Variants in SLC9B1 observed in about 807,000 individuals in gnomAD.
The protein encoded by SLC9B1 is sodium/hydrogen exchanger 9B1.
In SLC9B1, 32 loss-of-function variants were observed where a neutral mutation model predicts 51.7. The observed-to-expected ratio is 0.62, with a 90% CI of 0.47 to 0.83. The LOEUF is 0.83. Ranked by LOEUF, SLC9B1 falls within the 40% of genes least tolerant of loss-of-function variation. The pLI is 0.00. For synonymous variants in SLC9B1, 145 were observed against 212.7 expected (o/e 0.68, Z 2.77); for missense variants, 406 against 613.2 (o/e 0.66, Z 3.57).
At chr4:102,974,349 A>G (rs973259885) in intron 3 of SLC9B1, among the ~76,000 whole-genome samples, 17 of 151,706 alleles carry the variant, frequency 1.1e-4, no homozygotes, top group African/African-American at 4.1e-4. Flanking sequence ...AAACAAAAAA[A>G]CAATAGGCAA....
At chr4:102,955,380 T>C (rs1020629079) in intron 3 of SLC9B1, among the ~76,000 whole-genome samples, 3 of 152,198 alleles carry the variant, frequency 2.0e-5, no homozygotes, top group Non-Finnish European at 4.4e-5. Flanking sequence ...GTCTTGGGTA[T>C]GTCTTTATCA....
intron 1 of SLC9B1, among the ~76,000 whole-genome samples, chr4:102,991,926 A>G (rs7685399): frequency 0.54 from 82,620 of 151,894 alleles, 23,006 homozygotes; most frequent in African/African-American, 0.67. Context: ...AAAAACCATT[A>G]TCATACAGAA....
chr4:102,909,819 T>C (rs1476968520), intron 9 of SLC9B1, among the ~76,000 whole-genome samples: 1 of 152,178 alleles, frequency 6.6e-6, no homozygotes, highest in East Asian at 1.9e-4. Flanking sequence ...TATTTGTTTG[T>C]TTATTATTTA....
chr4:102,971,942 G>T (rs1284666854), intron 3 of SLC9B1, among the ~76,000 whole-genome samples: 3 of 152,086 alleles, frequency 2.0e-5, no homozygotes, highest in Non-Finnish European at 4.4e-5. Flanking sequence ...AAACCAGGAA[G>T]AAGTTGAATC....
At chr4:103,016,144 A>AAAAAAAAAAAAAAC (rs1741316278) in intron 1 of SLC9B1, among the ~76,000 whole-genome samples, 1 of 150,004 alleles carries the variant, frequency 6.7e-6, no homozygotes, top group African/African-American at 2.5e-5. Context: ...CAAAAAAAAA[A>AAAAAAAAAAAAAAC]AAAAAAAAAG....
At chr4:102,932,519 G>C (rs1416536637) in intron 6 of SLC9B1, among the ~76,000 whole-genome samples, 2 of 152,166 alleles carry the variant, frequency 1.3e-5, no homozygotes, top group African/African-American at 4.8e-5. Flanking sequence ...AACACAGGTT[G>C]CAGCCTCTCC....
At chr4:102,905,871 T>C (rs1355589813) in intron 10 of SLC9B1, among the ~76,000 whole-genome samples, 2 of 152,102 alleles carry the variant, frequency 1.3e-5, no homozygotes, top group African/African-American at 2.4e-5. Context: ...CCATGAAAAA[T>C]AAGACAGATG....
At chr4:102,898,219 C>T (rs1734626229), downstream of SLC9B1, 21 of 518,068 alleles carry the variant, frequency 4.1e-5, no homozygotes, top group South Asian at 2.8e-4. Context: ...GTTAATGGTG[C>T]CACTGGTGTT....
At chr4:102,908,786 G>C (rs1735189471) in intron 9 of SLC9B1, among the ~76,000 whole-genome samples, 1 of 151,966 alleles carries the variant, frequency 6.6e-6, no homozygotes. Context: ...CAAAGTTGAA[G>C]ATAAGCAAAA....
chr4:102,898,328 T>C (rs1734631178), downstream of SLC9B1: 2 of 314,698 alleles, frequency 6.4e-6, no homozygotes, highest in Admixed American at 8.0e-5. Context: ...TGGAAAAAAT[T>C]TGTAAAGTAT....
At chr4:102,957,417 T>A (rs1737865985) in intron 3 of SLC9B1, among the ~76,000 whole-genome samples, 1 of 152,018 alleles carries the variant, frequency 6.6e-6, no homozygotes, top group East Asian at 1.9e-4. Context: ...AAGAAAATCA[T>A]GAAAATAGCA....
intron 7 of SLC9B1, among the ~76,000 whole-genome samples, chr4:102,923,896 G>A (rs1245467927): frequency 2.0e-5 from 3 of 152,148 alleles, no homozygotes; most frequent in Non-Finnish European, 2.9e-5. Flanking sequence ...ACTTCTCAAC[G>A]AAATAAAAGA....
chr4:102,931,799 T>C (rs1488709255), intron 7 of SLC9B1, among the ~76,000 whole-genome samples: 1 of 152,190 alleles, frequency 6.6e-6, no homozygotes, highest in Non-Finnish European at 1.5e-5. Context: ...ATTAAAATAT[T>C]AGTAGTACAA....
chr4:103,014,634 C>A (rs1741229658), intron 1 of SLC9B1, among the ~76,000 whole-genome samples: 1 of 152,182 alleles, frequency 6.6e-6, no homozygotes, highest in East Asian at 1.9e-4. Context: ...AATTGCCTAA[C>A]ATAGTATATA....
At chr4:102,917,701 C>T (rs948015076) in intron 7 of SLC9B1, among the ~76,000 whole-genome samples, 3 of 152,120 alleles carry the variant, frequency 2.0e-5, no homozygotes, top group Non-Finnish European at 4.4e-5. Context: ...AAATAAGCAA[C>T]TTAGCTTTAC....
chr4:102,917,646 A>G (rs951408230), intron 7 of SLC9B1, among the ~76,000 whole-genome samples: 15 of 152,158 alleles, frequency 9.9e-5, no homozygotes, highest in Non-Finnish European at 1.8e-4. Context: ...TGAAGAGGAC[A>G]GTTTATATAT....
chr4:102,988,017 G>T (rs1458928720), intron 3 of SLC9B1, among the ~76,000 whole-genome samples: 1 of 151,602 alleles, frequency 6.6e-6, no homozygotes, highest in Non-Finnish European at 1.5e-5. Flanking sequence ...GAAGTCTCTG[G>T]GATATTATTT....
intron 3 of SLC9B1, among the ~76,000 whole-genome samples, chr4:102,971,099 G>A (rs1397482813): frequency 6.6e-6 from 1 of 152,106 alleles, no homozygotes; most frequent in Non-Finnish European, 1.5e-5. Flanking sequence ...GGTTAACAAG[G>A]ATTTCCAGGA....
chr4:102,974,241 T>TA (rs1560962155), intron 3 of SLC9B1, among the ~76,000 whole-genome samples: 48 of 16,774 alleles, frequency 2.9e-3, no homozygotes, highest in African/African-American at 5.9e-3. Flanking sequence ...TGTCTAAAAT[T>TA]GAAAAAAAAA....
Sources: gnomAD v4.1 joint callset for allele counts (sites outside exome capture counted in the v4.1 genomes callset) on GRCh38, gnomAD v4.1.1 for gene constraint, MANE v1.5 for transcripts, NCBI Gene and HGNC (gene_info 2026-07-23, HGNC 2026-07-21) for gene names.